Variants in SFSWAP observed in about 807,000 individuals in gnomAD.
SFSWAP encodes the protein splicing factor SWAP, also known as splicing factor, suppressor of white-apricot homolog.
A neutral mutation model predicts 100.7 loss-of-function variants in SFSWAP; 17 were observed. The observed-to-expected ratio is 0.17, with a 90% CI of 0.12 to 0.25. The LOEUF (loss-of-function observed/expected upper bound fraction) is 0.25, where lower values mean the gene tolerates loss of function less well. SFSWAP is among the 10% of genes least tolerant of loss of function. The pLI is 1.00. For missense variants in SFSWAP, 1,005 were observed against 1,262.6 expected, an observed-to-expected ratio of 0.80 and a Z score of 3.09; for synonymous variants, 504 against 510.1, an observed-to-expected ratio of 0.99 and a Z score of 0.16.
chr12:131,716,306 G>A (rs2136175818), intron 3 of SFSWAP, among the ~76,000 whole-genome samples: 1 of 152,312 alleles, frequency 6.6e-6, no homozygotes, highest in Non-Finnish European at 1.5e-5. Flanking sequence ...GCCAGTTAAG[G>A]TATTTAAGAC....
chr12:131,778,185 G>GAAAAGA lies in SFSWAP; in HGVS notation c.2275_2280dup (p.Lys759_Lys760dup). The GAAAAGA allele has an allele frequency of 6.2e-7, 1 of 1,613,864 alleles. No homozygotes were observed. The highest frequency in any genetic ancestry group is 8.5e-7 in the Non-Finnish European group (1 of 1,179,954). On this transcript the variant is annotated inframe_insertion, in exon 14 of 18. Coordinates refer to ENST00000261674, the MANE Select transcript of SFSWAP (RefSeq NM_004592.4). The surrounding 1 kb of genome is among the most constrained non-coding windows in gnomAD (Gnocchi z 4.2). ...AGATCCACCGAGAGAAGAAGAGAAA[G>GAAAAGA]AAAAGAAAAAGAAAAAGCACAAAAA...
rs1879385058 is a variant in SFSWAP, at chr12:131,730,390, G to A, written c.1081+1962G>A. 6.6e-6 allele frequency among the ~76,000 whole-genome samples: 1 copy of A among 152,230 alleles called. No homozygotes were observed. The highest frequency in any genetic ancestry group is 6.5e-5 in the Admixed American group (1 of 15,280). On this transcript the variant is annotated intron_variant, in intron 7 of 17. Transcript: ENST00000261674. This position sits in a 1 kb window ranked among gnomAD's most constrained non-coding sequence, Gnocchi z 4.0. Reference sequence around the variant, plus strand: ...TCCCTGAAGCTGCTGCAAAGCAGAGGACTAGAAATTCAGGGCGGGCTGACC... The same window carrying A: ...TCCCTGAAGCTGCTGCAAAGCAGAGAACTAGAAATTCAGGGCGGGCTGACC...
chr12:131,766,536 G>A (rs914695118), intron 13 of SFSWAP, among the ~76,000 whole-genome samples: 7 of 152,234 alleles, frequency 4.6e-5, no homozygotes, highest in Admixed American at 3.3e-4. Flanking sequence ...AACACTGCCC[G>A]CGATTTCAGG....
chr12:131,726,461 C>T (rs973464214), intron 5 of SFSWAP, among the ~76,000 whole-genome samples: 4 of 152,246 alleles, frequency 2.6e-5, no homozygotes, highest in African/African-American at 9.6e-5. Flanking sequence ...CCACCCGCCT[C>T]GGCCTCCCAG....
chr12:131,788,254 G>A (rs952806357), intron 15 of SFSWAP, among the ~76,000 whole-genome samples: 7 of 152,166 alleles, frequency 4.6e-5, no homozygotes, highest in Non-Finnish European at 7.3e-5. Flanking sequence ...CGCCAGACTC[G>A]CGTGACCTGC....
Position 131,745,885 on chromosome 12 carries a change from T to C in SFSWAP, c.1082-7238T>C, listed in dbSNP as rs188493306. ...ATAAGCCTGCAGGGAATGGCGACTC[T>C]TGGCAGCGGGTCAGGCTGTGGGCTT... is the stretch of plus-strand genomic sequence containing the variant. On this transcript the variant is annotated intron_variant, in intron 7 of 17. Transcript: ENST00000261674. Among the ~76,000 whole-genome samples the C allele has an allele frequency of 2.2e-4, 34 of 152,336 alleles. No homozygotes were observed. In the South Asian group the frequency reaches 7.0e-3, roughly 32 times the overall value.
At chr12:131,741,218 G>A (rs77720672) in intron 7 of SFSWAP, among the ~76,000 whole-genome samples, 26,678 of 151,754 alleles carry the variant, frequency 0.18, 3,040 homozygotes, top group Non-Finnish European at 0.25. Context: ...CACCTGCCTC[G>A]GCCCCTCAAA....
chr12:131,785,762 G>T (rs1481415047), intron 14 of SFSWAP: 2 of 153,344 alleles, frequency 1.3e-5, no homozygotes, highest in African/African-American at 4.8e-5. Context: ...CTTTGCATCT[G>T]TGAAATCGCA....
At chr12:131,756,851 C>T (rs774832709) in intron 11 of SFSWAP, 6 of 562,800 alleles carry the variant, frequency 1.1e-5, no homozygotes, top group Admixed American at 3.3e-5. Flanking sequence ...GTGTGAGCAG[C>T]CCTTAGGTAT....
Position 131,711,898 on chromosome 12 carries a change from T to TCCGAACCGC in SFSWAP, c.218+453_218+461dup, listed in dbSNP as rs1191145069. 1 of 178,114 alleles carries TCCGAACCGC rather than the reference T, an allele frequency of 5.6e-6. No individual in the cohort carries two copies. Among genetic ancestry groups the TCCGAACCGC allele is most frequent in the Non-Finnish European group, 1.2e-5 (1 of 82,548 alleles). The allele number at this position is 178,114 out of a possible 1,614,324, so 11.0% of individuals were successfully genotyped here. On this transcript the variant is annotated intron_variant, in intron 1 of 17. Transcript: ENST00000261674. This position sits in a 1 kb window ranked among gnomAD's most constrained non-coding sequence, Gnocchi z 4.9. ...ACCCTGGGAGGCGTGCCTTTATTCTTCCGAACCGCCGCTCACTGAGACAGT... is the reference window on the plus strand; with the variant it reads ...ACCCTGGGAGGCGTGCCTTTATTCTTCCGAACCGCCCGAACCGCCGCTCACTGAGACAGT...
At chr12:131,775,306 G>A (rs1349838734) in intron 13 of SFSWAP, among the ~76,000 whole-genome samples, 1 of 152,164 alleles carries the variant, frequency 6.6e-6, no homozygotes, top group Non-Finnish European at 1.5e-5. Context: ...CTCTCTCTTT[G>A]TTTTCCTGGG....
intron 3 of SFSWAP, among the ~76,000 whole-genome samples, chr12:131,717,390 T>C (rs995875587): frequency 2.0e-5 from 3 of 152,176 alleles, no homozygotes; most frequent in African/African-American, 7.2e-5. Context: ...CTATATCCAT[T>C]TTTTTCCCTC....
At chr12:131,753,054 G>T (rs1183911740) in intron 7 of SFSWAP, 69 bp from the exon 8 acceptor site, 3 of 1,585,480 alleles carry the variant, frequency 1.9e-6, no homozygotes, top group Non-Finnish European at 2.6e-6. Context: ...GGCTCTTGTG[G>T]CTGCATTGTG....
chr12:131,775,751 G>A (rs767888476), intron 13 of SFSWAP, among the ~76,000 whole-genome samples: 1 of 152,086 alleles, frequency 6.6e-6, no homozygotes, highest in East Asian at 1.9e-4. Context: ...TGGATATAGA[G>A]CTTGCTTTGT....
In SFSWAP at chr12:131,725,528, C is replaced by T. The variant is rs760279095; in HGVS notation, c.730C>T (p.Arg244Cys). ...CCGGAACTCCCAGTTTGACTTTCTG[C>T]GCTTCGACCACTACCTCAACCCCTA... Reference protein sequence around the residue: ...QARNSQFDFLRFDHYLNPYYK... With the variant: ...QARNSQFDFLCFDHYLNPYYK... The change falls in exon 5 of 18, where the codon CGC becomes TGC. Residue 244 changes from arginine to cysteine, a missense_variant. Around this residue, in one of 7 missense-constraint regions of SFSWAP, gnomAD observed 237 missense variants for 337.0 expected, o/e 0.70. Transcript: ENST00000261674. This position sits in a 1 kb window ranked among gnomAD's most constrained non-coding sequence, Gnocchi z 4.3. 48 of 1,614,120 alleles carry T rather than the reference C, an allele frequency of 3.0e-5. No homozygotes were observed. Among genetic ancestry groups the T allele is most frequent in the East Asian group, 4.5e-5 (2 of 44,882 alleles).
At chr12:131,798,930 A>G (rs1162380369) in intron 16 of SFSWAP, 107 bp from the exon 17 acceptor site, 2 of 752,530 alleles carry the variant, frequency 2.7e-6, no homozygotes, top group African/African-American at 1.8e-5. Flanking sequence ...TGCAGTGGGC[A>G]CTTCTCAGTT....
At chr12:131,724,104 C>T (rs897434629) in intron 4 of SFSWAP, among the ~76,000 whole-genome samples, 6 of 152,090 alleles carry the variant, frequency 3.9e-5, no homozygotes, top group East Asian at 3.8e-4. Context: ...GAAATATGTC[C>T]GTAAGATGCT....
chr12:131,729,408 G>A (rs905638831), intron 7 of SFSWAP, among the ~76,000 whole-genome samples: 1 of 152,176 alleles, frequency 6.6e-6, no homozygotes, highest in Non-Finnish European at 1.5e-5. Flanking sequence ...GGAGGCTGAG[G>A]TGAGAGGATG....
chr12:131,778,080 C>T lies in SFSWAP; in HGVS notation c.2158C>T (p.Pro720Ser). 2 of 1,611,968 alleles carry T rather than the reference C, an allele frequency of 1.2e-6. No individual in the cohort carries two copies. Among genetic ancestry groups the T allele is most frequent in the Non-Finnish European group, 8.5e-7 (1 of 1,179,514 alleles). Residue 720 changes from proline to serine, a missense_variant, in exon 14 of 18, where the codon CCC (proline) becomes TCC (serine). Pro to Ser is a moderately conservative substitution (Grantham distance 74). Coordinates refer to ENST00000261674, the MANE Select transcript of SFSWAP (RefSeq NM_004592.4). The surrounding 1 kb of genome is among the most constrained non-coding windows in gnomAD (Gnocchi z 4.2). The part of the protein sequence containing the change: ...PFSVEESSTT[P>S]CPLLTGGRPL... ...TTATTCTTAGGAATCCAGCACTACG[C>T]CCTGCCCTCTACTGACTGGAGGCAG...
Sources: gnomAD v4.1 joint callset for allele counts (sites outside exome capture counted in the v4.1 genomes callset) on GRCh38, gnomAD v4.1.1 for gene constraint, gnomAD v4.1.1 regional missense constraint, Gnocchi (gnomAD v3.1) non-coding constraint, MANE v1.5 for transcripts, NCBI Gene and HGNC (gene_info 2026-07-23, HGNC 2026-07-21) for gene names.